NEGR1: variants seen among roughly 807,000 people sequenced by gnomAD.
The protein encoded by NEGR1 is IgLON family member 4.
A neutral mutation model predicts 40.9 loss-of-function variants in NEGR1; 10 were observed. That is an observed-to-expected ratio of 0.24 (90% CI 0.15 to 0.42). The LOEUF is 0.42. NEGR1 is among the 10% of genes least tolerant of loss of function. The probability of loss-of-function intolerance (pLI) is 1.00; values close to 1 mark genes in which losing one functional copy is unlikely to be tolerated. For missense variants in NEGR1, 352 were observed against 438.9 expected, an observed-to-expected ratio of 0.80 and a Z score of 1.77; for synonymous variants, 185 against 166.8, an observed-to-expected ratio of 1.11 and a Z score of -0.84.
intron 2 of NEGR1, among the ~76,000 whole-genome samples, chr1:71,865,449 G>A (rs1295746884): frequency 6.6e-6 from 1 of 152,082 alleles, no homozygotes; most frequent in African/African-American, 2.4e-5. Context: ...CATGGATGAG[G>A]CTGGAAATCA....
At chr1:71,644,275 C>T (rs966744447) in intron 4 of NEGR1, among the ~76,000 whole-genome samples, 1 of 151,892 alleles carries the variant, frequency 6.6e-6, no homozygotes, top group Non-Finnish European at 1.5e-5. Context: ...TAGAATGCCA[C>T]CTAACTAGCT....
At position 71,715,955 on chromosome 1, in the gene NEGR1, G is replaced by T. The variant is rs533084129; in HGVS notation, c.536-17816C>A. Reference sequence around the variant, plus strand: ...TTTATAGCAGCACCCTACTCTCTGTGGTACCAATTTACCATATTAGACCGT... The same window carrying T: ...TTTATAGCAGCACCCTACTCTCTGTTGTACCAATTTACCATATTAGACCGT... On this transcript the variant is annotated intron_variant, in intron 3 of 6. Transcript: ENST00000357731. Among the ~76,000 whole-genome samples the T allele has an allele frequency of 3.7e-3, 564 of 152,048 alleles. 7 individuals are homozygous for T. The South Asian group carries it at 0.037, about 10-fold the overall frequency.
At chr1:72,114,786 C>A (rs78285415) in intron 1 of NEGR1, among the ~76,000 whole-genome samples, 2,422 of 151,824 alleles carry the variant, frequency 0.016, 66 homozygotes, top group African/African-American at 0.056. Context: ...TAATTGATTC[C>A]ATTTCCTTCC....
chr1:71,639,596 C>T (rs1048832926), intron 4 of NEGR1, among the ~76,000 whole-genome samples: 3 of 151,968 alleles, frequency 2.0e-5, no homozygotes, highest in African/African-American at 7.2e-5. Context: ...TCCTTGGACA[C>T]CAGTATATTA....
chr1:71,582,274 C>T (rs1363577153), intron 6 of NEGR1, among the ~76,000 whole-genome samples: 1 of 151,982 alleles, frequency 6.6e-6, no homozygotes, highest in Non-Finnish European at 1.5e-5. Flanking sequence ...AAGTGTTTAA[C>T]AAAAGACTGT....
intron 1 of NEGR1, among the ~76,000 whole-genome samples, chr1:72,269,040 TA>T (rs1209444129): frequency 6.6e-6 from 1 of 151,592 alleles, no homozygotes; most frequent in Non-Finnish European, 1.5e-5. Context: ...AAGCACATTT[TA>T]AAAGATTCTT....
At chr1:72,166,235 T>G (rs999549933) in intron 1 of NEGR1, among the ~76,000 whole-genome samples, 1 of 151,900 alleles carries the variant, frequency 6.6e-6, no homozygotes, top group Non-Finnish European at 1.5e-5. Context: ...TTAAAAAAAA[T>G]ATCGCCTCAT....
At chr1:71,763,917 G>A (rs1446627234) in intron 3 of NEGR1, among the ~76,000 whole-genome samples, 3 of 151,896 alleles carry the variant, frequency 2.0e-5, no homozygotes, top group African/African-American at 7.2e-5. Flanking sequence ...AGACAAAGAG[G>A]AGCATTCATT....
At chr1:71,492,520 C>T (rs1646936754) in intron 6 of NEGR1, among the ~76,000 whole-genome samples, 1 of 152,136 alleles carries the variant, frequency 6.6e-6, no homozygotes, top group East Asian at 1.9e-4. Flanking sequence ...CATTTCTTCA[C>T]CTCTTACGGC....
At chr1:72,061,344 C>T (rs1647169298) in intron 1 of NEGR1, among the ~76,000 whole-genome samples, 1 of 151,560 alleles carries the variant, frequency 6.6e-6, no homozygotes, top group African/African-American at 2.4e-5. Context: ...TTATCTCACC[C>T]AATATATAGG....
At chr1:71,952,826 G>A (rs1646083615) in intron 1 of NEGR1, among the ~76,000 whole-genome samples, 1 of 151,706 alleles carries the variant, frequency 6.6e-6, no homozygotes, top group African/African-American at 2.4e-5. Flanking sequence ...AAATGCTAGG[G>A]ACCTTAAGAA....
At chr1:72,061,233 T>C (rs1647167348) in intron 1 of NEGR1, among the ~76,000 whole-genome samples, 1 of 151,726 alleles carries the variant, frequency 6.6e-6, no homozygotes, top group South Asian at 2.1e-4. Context: ...TCTTCTCTGG[T>C]CCAAATTAGC....
At chr1:71,500,621 C>A (rs1311563862) in intron 6 of NEGR1, among the ~76,000 whole-genome samples, 2 of 151,970 alleles carry the variant, frequency 1.3e-5, no homozygotes, top group Admixed American at 1.3e-4. Context: ...AAAAAGTTAT[C>A]ATTACATTAA....
intron 1 of NEGR1, among the ~76,000 whole-genome samples, chr1:72,048,403 T>A (rs759567282): frequency 1.5e-4 from 18 of 123,810 alleles, no homozygotes; most frequent in African/African-American, 5.7e-4. Context: ...ACAAATCGTA[T>A]CCCTTCTTGC....
At chr1:71,779,596 C>T (rs1349294909) in intron 2 of NEGR1, among the ~76,000 whole-genome samples, 2 of 151,336 alleles carry the variant, frequency 1.3e-5, no homozygotes, top group Non-Finnish European at 2.9e-5. Context: ...GACAGAGTCT[C>T]TCGCTCTGTC....
chr1:72,099,039 C>G lies in NEGR1; in HGVS notation c.177-163728G>C, dbSNP rs139737875. On this transcript the variant is annotated intron_variant, in intron 1 of 6. Transcript: ENST00000357731. ...ATATTCAACTCGACTTTTAATAATT[C>G]ATTTAAATTGTTATTAATTATATAA... Among the ~76,000 whole-genome samples the G allele has an allele frequency of 5.5e-3, 841 of 151,828 alleles. 5 individuals are homozygous for G. The highest frequency in any genetic ancestry group is 0.019 in the African/African-American group (800 of 41,476).
chr1:72,065,672 C>A (rs991193854), intron 1 of NEGR1, among the ~76,000 whole-genome samples: 3 of 151,928 alleles, frequency 2.0e-5, no homozygotes, highest in Non-Finnish European at 2.9e-5. Flanking sequence ...ATGAAGTGTA[C>A]CTTTAGAAAA....
At chr1:71,819,462 A>G (rs1658347995) in intron 2 of NEGR1, among the ~76,000 whole-genome samples, 1 of 151,984 alleles carries the variant, frequency 6.6e-6, no homozygotes, top group Non-Finnish European at 1.5e-5. Flanking sequence ...AGAAGAGTAT[A>G]TTATGAAAAA....
At chr1:71,423,830 C>CTTTTT (rs34929033) in intron 6 of NEGR1, among the ~76,000 whole-genome samples, 3 of 141,390 alleles carry the variant, frequency 2.1e-5, no homozygotes, top group Non-Finnish European at 4.6e-5. Context: ...CCCACCCCCC[C>CTTTTT]TTTTTTTTTT....
Sources: gnomAD v4.1 joint callset for allele counts (sites outside exome capture counted in the v4.1 genomes callset) on GRCh38, gnomAD v4.1.1 for gene constraint, MANE v1.5 for transcripts, NCBI Gene and HGNC (gene_info 2026-07-23, HGNC 2026-07-21) for gene names.